Variants in ARB2A observed in about 807,000 individuals in gnomAD.
ARB2A encodes ARB2 cotranscriptional regulator A, also known as cotranscriptional regulator ARB2A.
chr5:94,062,417 A>G, the ARB2A span, among the ~76,000 whole-genome samples: 2 of 152,116 alleles, frequency 1.3e-5, no homozygotes, highest in Non-Finnish European at 2.9e-5. Flanking sequence ...GTGACAAGAA[A>G]CACCCAAAAA....
chr5:94,029,024 T>G, the ARB2A span, among the ~76,000 whole-genome samples: 1 of 152,136 alleles, frequency 6.6e-6, no homozygotes, highest in Non-Finnish European at 1.5e-5. Context: ...TTTGTTTTGT[T>G]TGAGATAGAG....
chr5:93,997,101 TC>T, the ARB2A span, among the ~76,000 whole-genome samples: 1 of 152,026 alleles, frequency 6.6e-6, no homozygotes, highest in Non-Finnish European at 1.5e-5. Context: ...ACTAAAACTT[TC>T]ACCTCTAGTT....
the ARB2A span, among the ~76,000 whole-genome samples, chr5:93,970,226 A>G: frequency 1.3e-5 from 2 of 152,084 alleles, no homozygotes; most frequent in Non-Finnish European, 2.9e-5. Context: ...ACCAATACCC[A>G]TACATCACCA....
the ARB2A span, among the ~76,000 whole-genome samples, chr5:93,640,654 A>T: frequency 6.7e-6 from 1 of 149,780 alleles, no homozygotes; most frequent in African/African-American, 2.5e-5. Flanking sequence ...ATACATATAC[A>T]TATATATACA....
the ARB2A span, chr5:93,861,690 G>C: frequency 6.6e-6 from 1 of 152,168 alleles, no homozygotes; most frequent in Non-Finnish European, 1.5e-5. Flanking sequence ...GTTGGAGCTT[G>C]ATACATACAG....
chr5:93,755,393 C>T, the ARB2A span, among the ~76,000 whole-genome samples: 2 of 152,154 alleles, frequency 1.3e-5, no homozygotes, highest in Non-Finnish European at 2.9e-5. Context: ...TCATGGCTGA[C>T]GGGAGGCAGG....
At chr5:93,807,755 C>T in the ARB2A span, among the ~76,000 whole-genome samples, 12 of 151,882 alleles carry the variant, frequency 7.9e-5, no homozygotes, top group African/African-American at 2.9e-4. Flanking sequence ...TTTTCTTTAA[C>T]GTAGCTTTTT....
chr5:93,902,311 A>G, the ARB2A span, among the ~76,000 whole-genome samples: 1 of 152,170 alleles, frequency 6.6e-6, no homozygotes, highest in South Asian at 2.1e-4. Context: ...AAGTCACACT[A>G]GTAACAGGTG....
At chr5:93,995,081 AGT>A in the ARB2A span, among the ~76,000 whole-genome samples, 2 of 152,194 alleles carry the variant, frequency 1.3e-5, no homozygotes, top group Non-Finnish European at 2.9e-5. Context: ...ATGGCACCAA[AGT>A]TGAGAGAAAT....
the ARB2A span, among the ~76,000 whole-genome samples, chr5:93,658,832 ATC>A: frequency 6.6e-6 from 1 of 151,762 alleles, no homozygotes; most frequent in Non-Finnish European, 1.5e-5. Context: ...ATGGCCAATT[ATC>A]TTTATTTCTA....
the ARB2A span, among the ~76,000 whole-genome samples, chr5:93,705,080 A>T: frequency 1.3e-5 from 2 of 152,186 alleles, no homozygotes; most frequent in East Asian, 3.9e-4. Flanking sequence ...GAGAGAGGCA[A>T]GTTTTAAAAG....
the ARB2A span, among the ~76,000 whole-genome samples, chr5:93,704,528 C>T: frequency 6.6e-6 from 1 of 152,348 alleles, no homozygotes; most frequent in African/African-American, 2.4e-5. Context: ...CATGCCACTG[C>T]ATTCCAAACT....
At chr5:93,979,054 C>T in the ARB2A span, among the ~76,000 whole-genome samples, 3 of 152,024 alleles carry the variant, frequency 2.0e-5, no homozygotes, top group Non-Finnish European at 4.4e-5. Flanking sequence ...GTGACAAATA[C>T]CCCACATACC....
chr5:94,029,953 C>G, the ARB2A span, among the ~76,000 whole-genome samples: 3 of 152,090 alleles, frequency 2.0e-5, no homozygotes, highest in Non-Finnish European at 4.4e-5. Context: ...ACAATCATGG[C>G]GGAAGAGCAA....
At chr5:94,067,427 A>G in the ARB2A span, among the ~76,000 whole-genome samples, 4 of 152,190 alleles carry the variant, frequency 2.6e-5, no homozygotes, top group Non-Finnish European at 5.9e-5. Context: ...AATCTTATAT[A>G]TAGAAAAACC....
chr5:93,653,028 CT>C, the ARB2A span, among the ~76,000 whole-genome samples: 3 of 151,654 alleles, frequency 2.0e-5, no homozygotes, highest in Admixed American at 1.3e-4. Context: ...TTTAATCTCT[CT>C]TTTTTTTAAT....
chr5:93,936,677 T>C, the ARB2A span, among the ~76,000 whole-genome samples: 3 of 152,166 alleles, frequency 2.0e-5, no homozygotes, highest in Non-Finnish European at 2.9e-5. Flanking sequence ...AAAAGAAAGA[T>C]GAATACTTTG....
At chr5:93,871,679 T>C in the ARB2A span, among the ~76,000 whole-genome samples, 1 of 152,206 alleles carries the variant, frequency 6.6e-6, no homozygotes, top group South Asian at 2.1e-4. Flanking sequence ...TCATTGTGTC[T>C]TTCATTTTAA....
At chr5:93,930,615 G>T in the ARB2A span, among the ~76,000 whole-genome samples, 1 of 152,158 alleles carries the variant, frequency 6.6e-6, no homozygotes, top group Non-Finnish European at 1.5e-5. Flanking sequence ...GAGCAGAGGT[G>T]ATGTAAGAAG....
Sources: gnomAD v4.1 joint callset for allele counts (sites outside exome capture counted in the v4.1 genomes callset) on GRCh38, gnomAD v4.1.1 for gene constraint, MANE v1.5 for transcripts, NCBI Gene and HGNC (gene_info 2026-07-23, HGNC 2026-07-21) for gene names.